The following ARHGAP21 variants were observed in gnomAD, a reference collection of about 807,000 sequenced individuals.
ARHGAP21 encodes Rho GTPase activating protein 21.
In ARHGAP21, 38 loss-of-function variants were observed where a neutral mutation model predicts 164.6. That is an observed-to-expected ratio of 0.23 (90% CI 0.18 to 0.30). The LOEUF is 0.30. Among genes scored for constraint, ARHGAP21 ranks in the 10% least tolerant of loss-of-function variants. The pLI, the probability that ARHGAP21 is intolerant of heterozygous loss-of-function variation, is 1.00. For synonymous variants in ARHGAP21, 766 were observed against 857.9 expected (o/e 0.89, Z 1.87); for missense variants, 1,822 against 2,370.7 (o/e 0.77, Z 4.81).
rs12571686 is a variant in ARHGAP21, at chr10:24,654,698, A to G, written c.268+12287T>C. ...TTGTGAAAATGGCCATACTGCCCAA[A>G]GTAATTTATAGATTCAATGCCATCC... On this transcript the variant is annotated intron_variant, in intron 4 of 25. Coordinates refer to ENST00000396432, the MANE Select transcript of ARHGAP21 (RefSeq NM_020824.4). 1.5e-3 allele frequency among the ~76,000 whole-genome samples: 233 copies of G among 152,362 alleles called. 5 individuals are homozygous for G. The East Asian group carries it at 0.038, about 25-fold the overall frequency.
At chr10:24,695,748 C>T (rs1227694698) in intron 2 of ARHGAP21, among the ~76,000 whole-genome samples, 1 of 152,114 alleles carries the variant, frequency 6.6e-6, no homozygotes, top group East Asian at 1.9e-4. Context: ...TGTCAAGAAA[C>T]CTCTGAGGAC....
intron 2 of ARHGAP21, among the ~76,000 whole-genome samples, chr10:24,687,792 A>C (rs1200182181): frequency 6.6e-6 from 1 of 152,196 alleles, no homozygotes; most frequent in East Asian, 1.9e-4. Flanking sequence ...CCCTTTGAGC[A>C]GATACCAGCA....
chr10:24,654,649 G>A lies in ARHGAP21; in HGVS notation c.268+12336C>T, dbSNP rs191827575. On this transcript the variant is annotated intron_variant, in intron 4 of 25. Coordinates refer to ENST00000396432, the MANE Select transcript of ARHGAP21 (RefSeq NM_020824.4). ...ACAAACAAATGGAAGAACATTCCAT[G>A]CTCTTGGATAGGAAGAATCAATATT... is the stretch of plus-strand genomic sequence containing the variant. Among the ~76,000 whole-genome samples, 34 of 152,304 alleles carry A rather than the reference G, an allele frequency of 2.2e-4. No homozygotes were observed. In the East Asian group the frequency reaches 5.8e-3, roughly 26 times the overall value.
chr10:24,639,560 G>A (rs1015848436), intron 4 of ARHGAP21, among the ~76,000 whole-genome samples: 1 of 152,092 alleles, frequency 6.6e-6, no homozygotes, highest in Admixed American at 6.6e-5. Context: ...TCGCAAGTGA[G>A]CAATAAATAC....
At chr10:24,586,364 A>G (rs1441730775) in intron 25 of ARHGAP21, among the ~76,000 whole-genome samples, 3 of 152,140 alleles carry the variant, frequency 2.0e-5, no homozygotes, top group Admixed American at 2.0e-4. Context: ...CTTTCAGGAA[A>G]ATAGTCTGTG....
chr10:24,614,902 T>C (rs773761476), intron 9 of ARHGAP21, among the ~76,000 whole-genome samples: 1 of 151,878 alleles, frequency 6.6e-6, no homozygotes, highest in Non-Finnish European at 1.5e-5. Flanking sequence ...TAAAAGTTAA[T>C]GTGGCCAGGT....
intron 21 of ARHGAP21, among the ~76,000 whole-genome samples, chr10:24,593,590 T>TCAAAGATATTCCATAAAATAC (rs2076435001): frequency 2.6e-5 from 4 of 151,260 alleles, no homozygotes; most frequent in African/African-American, 4.9e-5. Flanking sequence ...GTATTTTTCT[T>TCAAAGATATTCCATAAAATAC]GAAAGATATT....
chr10:24,623,049 C>T lies in ARHGAP21; in HGVS notation c.496-287G>A, dbSNP rs529948497. Among the ~76,000 whole-genome samples, 12 of 152,176 alleles carry T rather than the reference C, an allele frequency of 7.9e-5. No homozygotes were observed. In the South Asian group the frequency reaches 2.5e-3, roughly 32 times the overall value. On this transcript the variant is annotated intron_variant, in intron 7 of 25. Coordinates refer to ENST00000396432, the MANE Select transcript of ARHGAP21 (RefSeq NM_020824.4). ...CCTAACAGATATTTTCTTCAATATG[C>T]ACTGCTGTCTGATAACATGCTACAA...
intron 2 of ARHGAP21, among the ~76,000 whole-genome samples, chr10:24,719,155 G>C (rs1275353286): frequency 2.0e-5 from 3 of 151,566 alleles, no homozygotes; most frequent in Non-Finnish European, 4.4e-5. Context: ...AAGAGGTTCA[G>C]AGTGAGTGAT....
At chr10:24,692,342 A>G (rs914606053) in intron 2 of ARHGAP21, among the ~76,000 whole-genome samples, 4 of 152,270 alleles carry the variant, frequency 2.6e-5, no homozygotes, top group Admixed American at 2.6e-4. Flanking sequence ...ACATCCATGG[A>G]AAGTATAGAT....
intron 2 of ARHGAP21, among the ~76,000 whole-genome samples, chr10:24,695,289 G>T (rs2132057849): frequency 1.3e-5 from 2 of 152,108 alleles, no homozygotes; most frequent in South Asian, 4.2e-4. Flanking sequence ...AGAATCTAGG[G>T]TGGGTGCAGT....
chr10:24,661,050 A>C (rs1839640559), intron 4 of ARHGAP21, among the ~76,000 whole-genome samples: 1 of 151,920 alleles, frequency 6.6e-6, no homozygotes. Flanking sequence ...GGCTGCTACC[A>C]TCCCACTATT....
intron 11 of ARHGAP21, among the ~76,000 whole-genome samples, chr10:24,606,878 A>C (rs2077048194): frequency 6.6e-6 from 1 of 152,200 alleles, no homozygotes; most frequent in Admixed American, 6.5e-5. Context: ...AAATAGACAT[A>C]CCCTTTGATG....
chr10:24,699,127 C>T (rs191047307), intron 2 of ARHGAP21, among the ~76,000 whole-genome samples: 1 of 152,252 alleles, frequency 6.6e-6, no homozygotes, highest in Non-Finnish European at 1.5e-5. Flanking sequence ...ATCTATCATT[C>T]CAGACATTCC....
intron 11 of ARHGAP21, chr10:24,605,674 TAAGG>T (rs2076993018): frequency 6.6e-6 from 1 of 152,134 alleles, no homozygotes; most frequent in Admixed American, 6.5e-5. Flanking sequence ...TTCTTTAACA[TAAGG>T]TTCAGTATCA....
intron 4 of ARHGAP21, among the ~76,000 whole-genome samples, chr10:24,665,570 G>A (rs1293445180): frequency 1.3e-5 from 2 of 152,130 alleles, no homozygotes; most frequent in Non-Finnish European, 2.9e-5. Context: ...CCTATACAGT[G>A]ATAAAAATCA....
intron 4 of ARHGAP21, among the ~76,000 whole-genome samples, chr10:24,659,814 A>G (rs186508062): frequency 6.6e-6 from 1 of 152,338 alleles, no homozygotes; most frequent in Admixed American, 6.5e-5. Context: ...AAGAGTAAAG[A>G]ACTTTATTGA....
intron 4 of ARHGAP21, among the ~76,000 whole-genome samples, chr10:24,660,317 G>C (rs565749860): frequency 1.4e-5 from 2 of 143,822 alleles, no homozygotes; most frequent in African/African-American, 5.2e-5. Flanking sequence ...TCATGAATTT[G>C]AGGCTGCAGT....
intron 3 of ARHGAP21, among the ~76,000 whole-genome samples, chr10:24,667,648 C>T (rs1342423936): frequency 6.6e-6 from 1 of 152,118 alleles, no homozygotes; most frequent in African/African-American, 2.4e-5. Flanking sequence ...TTTGCTGAGC[C>T]TCTACCATAC....
Sources: gnomAD v4.1 joint callset for allele counts (sites outside exome capture counted in the v4.1 genomes callset) on GRCh38, gnomAD v4.1.1 for gene constraint, MANE v1.5 for transcripts, NCBI Gene and HGNC (gene_info 2026-07-23, HGNC 2026-07-21) for gene names.